DPP10: variants seen among roughly 807,000 people sequenced by gnomAD.
The protein encoded by DPP10 is dipeptidyl peptidase like 10.
A neutral mutation model predicts 120.9 loss-of-function variants in DPP10; 33 were observed. That is an observed-to-expected ratio of 0.27 (90% CI 0.21 to 0.37). DPP10 has a LOEUF of 0.37. Ranked by LOEUF, DPP10 falls within the 10% of genes least tolerant of loss-of-function variation. The pLI, the probability that DPP10 is intolerant of heterozygous loss-of-function variation, is 1.00. For synonymous variants in DPP10, 337 were observed against 326.1 expected, an observed-to-expected ratio of 1.03 and a Z score of -0.36; for missense variants, 816 against 942.8, an observed-to-expected ratio of 0.87 and a Z score of 1.76.
intron 3 of DPP10, among the ~76,000 whole-genome samples, chr2:115,368,173 A>G (rs2065189537): frequency 6.6e-6 from 1 of 152,176 alleles, no homozygotes; most frequent in African/African-American, 2.4e-5. Flanking sequence ...TCATACGAAG[A>G]AAAAGAGAAG....
intron 1 of DPP10, among the ~76,000 whole-genome samples, chr2:115,066,420 C>A (rs1706846536): frequency 6.6e-6 from 1 of 152,088 alleles, no homozygotes; most frequent in South Asian, 2.1e-4. Flanking sequence ...ATGCTTAATT[C>A]AGTTATTTGT....
intron 1 of DPP10, among the ~76,000 whole-genome samples, chr2:114,863,595 C>A (rs761401176): frequency 2.0e-5 from 3 of 152,230 alleles, no homozygotes; most frequent in Non-Finnish European, 4.4e-5. Context: ...CACATGGCTG[C>A]AAACTCGTAG....
intron 1 of DPP10, among the ~76,000 whole-genome samples, chr2:115,153,435 A>C (rs1319788408): frequency 6.6e-6 from 1 of 152,160 alleles, no homozygotes; most frequent in African/African-American, 2.4e-5. Flanking sequence ...CCTTTCTTAA[A>C]TATTTTGGAA....
At chr2:115,812,872 A>G (rs1387883857) in intron 19 of DPP10, among the ~76,000 whole-genome samples, 2 of 151,690 alleles carry the variant, frequency 1.3e-5, no homozygotes, top group African/African-American at 4.8e-5. Context: ...TATGGAGTAC[A>G]TGACATAATG....
At chr2:115,089,501 C>T (rs1223602142) in intron 1 of DPP10, among the ~76,000 whole-genome samples, 1 of 152,172 alleles carries the variant, frequency 6.6e-6, no homozygotes, top group Admixed American at 6.5e-5. Context: ...TCTCACTACC[C>T]TCTCTATCAC....
At chr2:114,856,415 C>T (rs1689371147) in intron 1 of DPP10, among the ~76,000 whole-genome samples, 1 of 152,156 alleles carries the variant, frequency 6.6e-6, no homozygotes, top group South Asian at 2.1e-4. Context: ...TACGTAGAGA[C>T]AATATGTCAA....
At chr2:115,429,996 G>A (rs550037070) in intron 3 of DPP10, among the ~76,000 whole-genome samples, 1 of 152,148 alleles carries the variant, frequency 6.6e-6, no homozygotes, top group South Asian at 2.1e-4. Flanking sequence ...AAAGCAGTTC[G>A]TTTTGGAGGC....
intron 1 of DPP10, among the ~76,000 whole-genome samples, chr2:114,866,921 T>C (rs1690285569): frequency 6.6e-6 from 1 of 152,220 alleles, no homozygotes; most frequent in South Asian, 2.1e-4. Flanking sequence ...GGCTTTATCT[T>C]TTGCTGCCTT....
At chr2:115,625,101 A>AT (rs902124161) in intron 5 of DPP10, among the ~76,000 whole-genome samples, 1 of 152,004 alleles carries the variant, frequency 6.6e-6, no homozygotes, top group Non-Finnish European at 1.5e-5. Flanking sequence ...AATAAAAAAA[A>AT]AATGTGTCTG....
chr2:115,303,363 T>C (rs2061225937), intron 1 of DPP10, among the ~76,000 whole-genome samples: 1 of 151,918 alleles, frequency 6.6e-6, no homozygotes, highest in Non-Finnish European at 1.5e-5. Context: ...TAATCTAATA[T>C]AGCTTGTAAA....
intron 1 of DPP10, among the ~76,000 whole-genome samples, chr2:114,994,869 C>G (rs150403640): frequency 6.6e-6 from 1 of 152,270 alleles, no homozygotes; most frequent in Non-Finnish European, 1.5e-5. Flanking sequence ...TCTGCCTTAT[C>G]AATTCTAATA....
chr2:115,700,959 A>G (rs2091860037), intron 7 of DPP10, among the ~76,000 whole-genome samples: 1 of 152,184 alleles, frequency 6.6e-6, no homozygotes, highest in Non-Finnish European at 1.5e-5. Context: ...ATAAATGTAA[A>G]GGCATACCAT....
At chr2:115,412,483 C>G (rs1019396986) in intron 3 of DPP10, among the ~76,000 whole-genome samples, 1 of 152,114 alleles carries the variant, frequency 6.6e-6, no homozygotes, top group Non-Finnish European at 1.5e-5. Flanking sequence ...GGTGTCTACT[C>G]GAAGGTTCAT....
intron 5 of DPP10, among the ~76,000 whole-genome samples, chr2:115,588,851 A>C: frequency 6.6e-6 from 1 of 152,240 alleles, no homozygotes; most frequent in East Asian, 1.9e-4. Flanking sequence ...ATATTCTTCT[A>C]TACAATTATA....
At chr2:114,544,875 C>G (rs1687248867) in intron 1 of DPP10, among the ~76,000 whole-genome samples, 1 of 151,092 alleles carries the variant, frequency 6.6e-6, no homozygotes, top group African/African-American at 2.4e-5. Flanking sequence ...TTTTTTGAGG[C>G]AGAGTCTTGC....
At chr2:115,261,801 G>C (rs1189321895) in intron 1 of DPP10, among the ~76,000 whole-genome samples, 5 of 152,130 alleles carry the variant, frequency 3.3e-5, no homozygotes, top group African/African-American at 1.2e-4. Flanking sequence ...CCTTTTGCAA[G>C]GTTTAGTTAT....
chr2:115,441,516 A>G (rs181413715), intron 3 of DPP10, among the ~76,000 whole-genome samples: 21 of 152,284 alleles, frequency 1.4e-4, no homozygotes, highest in Admixed American at 9.2e-4. Context: ...CTGCCTATTC[A>G]TATTTAGGGT....
At chr2:114,870,501 G>A (rs1340919305) in intron 1 of DPP10, among the ~76,000 whole-genome samples, 1 of 151,896 alleles carries the variant, frequency 6.6e-6, no homozygotes, top group Non-Finnish European at 1.5e-5. Context: ...AAAAAATCAG[G>A]TATATTTTAA....
At chr2:114,852,996 C>T (rs1454527802) in intron 1 of DPP10, among the ~76,000 whole-genome samples, 1 of 152,106 alleles carries the variant, frequency 6.6e-6, no homozygotes, top group East Asian at 1.9e-4. Context: ...ATCAGATGAC[C>T]TTGTGCTGTC....
Sources: gnomAD v4.1 joint callset for allele counts (sites outside exome capture counted in the v4.1 genomes callset) on GRCh38, gnomAD v4.1.1 for gene constraint, MANE v1.5 for transcripts, NCBI Gene and HGNC (gene_info 2026-07-23, HGNC 2026-07-21) for gene names.